Variants in PLCL1 observed in about 807,000 individuals in gnomAD.
PLCL1 encodes inactive phospholipase C-like protein 1.
Under a neutral mutation model 84.4 loss-of-function variants are expected in PLCL1, and 41 were observed. The ratio of observed to expected loss-of-function variants is 0.49; its 90% CI spans 0.38 to 0.63. The LOEUF is 0.63. Among genes scored for constraint, PLCL1 ranks in the 30% least tolerant of loss-of-function variants. The pLI is 0.00. For missense variants in PLCL1, 1,206 were observed against 1,367.8 expected, an observed-to-expected ratio of 0.88 and a Z score of 1.87; for synonymous variants, 490 against 488.3, an observed-to-expected ratio of 1.00 and a Z score of -0.05.
rs986827856 is a variant in PLCL1 at position 198,071,351 on chromosome 2, C to A, written c.241-12407C>A. Among the ~76,000 whole-genome samples, 29 of 151,976 alleles carry A rather than the reference C, an allele frequency of 1.9e-4. No individual in the cohort carries two copies. The East Asian group carries it at 5.6e-3, about 29-fold the overall frequency. On this transcript the variant is annotated intron_variant, in intron 1 of 5. Transcript: ENST00000428675. ...TTACTCAAGTATTTCCTTCAGATTT[C>A]TTTAAATTCCTAAAAATTAAATTGC...
chr2:197,975,160 A>AC (rs1689949808), intron 1 of PLCL1, among the ~76,000 whole-genome samples: 1 of 150,726 alleles, frequency 6.6e-6, no homozygotes, highest in South Asian at 2.1e-4. Context: ...AAAAAAAAAA[A>AC]AAAAAAAAAA....
At chr2:198,066,385 C>T (rs1574285962) in intron 1 of PLCL1, among the ~76,000 whole-genome samples, 1 of 152,294 alleles carries the variant, frequency 6.6e-6, no homozygotes, top group African/African-American at 2.4e-5. Context: ...GCTCCTCCAG[C>T]CTCTCAGTTG....
chr2:197,820,655 A>G (rs1247140195), intron 1 of PLCL1, among the ~76,000 whole-genome samples: 1 of 152,168 alleles, frequency 6.6e-6, no homozygotes, highest in Non-Finnish European at 1.5e-5. Flanking sequence ...ATTAAATAAG[A>G]TAAAAAGTTG....
chr2:197,893,922 C>T (rs979808447), intron 1 of PLCL1, among the ~76,000 whole-genome samples: 3 of 151,842 alleles, frequency 2.0e-5, no homozygotes, highest in Non-Finnish European at 2.9e-5. Flanking sequence ...TTTGCTCTGC[C>T]GTTTTGCATA....
chr2:197,890,924 C>A (rs1688015282), intron 1 of PLCL1, among the ~76,000 whole-genome samples: 1 of 149,030 alleles, frequency 6.7e-6, no homozygotes, highest in Non-Finnish European at 1.5e-5. Flanking sequence ...TCCTGGGTAT[C>A]CTTCCAATCA....
At chr2:198,094,839 A>G (rs990448991) in intron 3 of PLCL1, among the ~76,000 whole-genome samples, 3 of 152,108 alleles carry the variant, frequency 2.0e-5, no homozygotes, top group Non-Finnish European at 2.9e-5. Flanking sequence ...TGTTACCATT[A>G]ATACTCTCAA....
At chr2:197,927,993 A>T (rs911776938) in intron 1 of PLCL1, among the ~76,000 whole-genome samples, 2 of 151,804 alleles carry the variant, frequency 1.3e-5, no homozygotes, top group Non-Finnish European at 2.9e-5. Flanking sequence ...TTAAGGTTAA[A>T]TTTAGAACCA....
At chr2:198,033,408 C>T (rs539264340) in intron 1 of PLCL1, among the ~76,000 whole-genome samples, 1 of 152,332 alleles carries the variant, frequency 6.6e-6, no homozygotes, top group South Asian at 2.1e-4. Flanking sequence ...CCAGAACTTA[C>T]TGGCATCAAG....
intron 1 of PLCL1, among the ~76,000 whole-genome samples, chr2:197,931,574 T>C (rs1688932173): frequency 1.3e-5 from 2 of 151,992 alleles, no homozygotes; most frequent in South Asian, 2.1e-4. Context: ...TCTTCCTGTT[T>C]GGAGATGGCC....
At chr2:197,889,693 C>G (rs1687981148) in intron 1 of PLCL1, among the ~76,000 whole-genome samples, 1 of 152,076 alleles carries the variant, frequency 6.6e-6, no homozygotes, top group Non-Finnish European at 1.5e-5. Context: ...CCTAGCATGG[C>G]TAGCAAATTT....
At chr2:197,825,841 C>T (rs975160083) in intron 1 of PLCL1, among the ~76,000 whole-genome samples, 8 of 152,194 alleles carry the variant, frequency 5.3e-5, no homozygotes, top group African/African-American at 7.2e-5. Flanking sequence ...TAATGCCTAT[C>T]CCACAAGTTT....
intron 1 of PLCL1, among the ~76,000 whole-genome samples, chr2:197,876,336 CT>C (rs1329737988): frequency 6.6e-6 from 1 of 152,126 alleles, no homozygotes; most frequent in Non-Finnish European, 1.5e-5. Flanking sequence ...TTTGGAAGGT[CT>C]TTTGGAGGAG....
chr2:198,054,533 T>G (rs1450129334), intron 1 of PLCL1, among the ~76,000 whole-genome samples: 1 of 152,174 alleles, frequency 6.6e-6, no homozygotes, highest in Non-Finnish European at 1.5e-5. Flanking sequence ...CACCATTGAC[T>G]CCAGCCCCAT....
intron 1 of PLCL1, among the ~76,000 whole-genome samples, chr2:197,897,164 TCTTCTTCTTCTTCTTCTTCTTCTTCTC>T (rs1559038548): frequency 3.0e-4 from 13 of 43,860 alleles, no homozygotes; most frequent in African/African-American, 8.9e-4. Context: ...TTCTTCTTCT[TCTTCTTCTTCTTCTTCTTCTTCTTCTC>T]CTTCTCCTTC....
At chr2:197,852,711 C>G (rs1419418635) in intron 1 of PLCL1, among the ~76,000 whole-genome samples, 1 of 152,026 alleles carries the variant, frequency 6.6e-6, no homozygotes, top group Non-Finnish European at 1.5e-5. Flanking sequence ...TGGCCAAGGT[C>G]CCTTCTTTAA....
chr2:198,086,217 G>A lies in PLCL1; in HGVS notation c.2700G>A (p.Met900Ile). The A allele has an allele frequency of 1.9e-6, 3 of 1,605,740 alleles. No individual in the cohort carries two copies. The highest frequency in any genetic ancestry group is 2.6e-6 in the Non-Finnish European group (3 of 1,174,852). Residue 900 changes from methionine to isoleucine, a missense_variant, in exon 2 of 6, where the codon ATG becomes ATA. By Grantham distance (10) the Met-to-Ile change is conservative (BLOSUM62 1). Coordinates refer to ENST00000428675, the MANE Select transcript of PLCL1 (RefSeq NM_006226.4). ...AVHPLREAID[M>I]RENMQNAIVS... is the part of the protein sequence containing the mutation. ...ATCCATTACGAGAAGCCATAGATAT[G>A]AGAGAAAATATGCAGGTAGGAGAAA...
At chr2:197,923,000 G>T (rs1688743285) in intron 1 of PLCL1, among the ~76,000 whole-genome samples, 1 of 109,142 alleles carries the variant, frequency 9.2e-6, no homozygotes. Flanking sequence ...CCGGGCAGAG[G>T]GGCTCCTCAC....
chr2:197,959,104 A>G (rs1401096), intron 1 of PLCL1, among the ~76,000 whole-genome samples: 109,231 of 151,866 alleles, frequency 0.72, 40,217 homozygotes, highest in African/African-American at 0.87. Context: ...ATGTGACTTC[A>G]GCCAAATCAC....
intron 1 of PLCL1, among the ~76,000 whole-genome samples, chr2:197,932,518 C>G (rs1688957562): frequency 6.6e-6 from 1 of 152,088 alleles, no homozygotes; most frequent in East Asian, 1.9e-4. Context: ...TCTCCGTCCC[C>G]CTACCCCCCA....
Sources: gnomAD v4.1 joint callset for allele counts (sites outside exome capture counted in the v4.1 genomes callset) on GRCh38, gnomAD v4.1.1 for gene constraint, MANE v1.5 for transcripts, NCBI Gene and HGNC (gene_info 2026-07-23, HGNC 2026-07-21) for gene names.